PCDHGA2: variants seen among roughly 807,000 people sequenced by gnomAD.
PCDHGA2 encodes the protein protocadherin gamma-A2.
In PCDHGA2, 40 loss-of-function variants were observed where a neutral mutation model predicts 59.2. The ratio of observed to expected loss-of-function variants is 0.68; its 90% CI spans 0.52 to 0.88. The LOEUF is 0.88. Among genes scored for constraint, PCDHGA2 ranks in the 40% least tolerant of loss-of-function variants. The pLI is 0.00. For synonymous variants in PCDHGA2, 560 were observed against 526.0 expected, an observed-to-expected ratio of 1.06 and a Z score of -0.89; for missense variants, 1,226 against 1,204.0, an observed-to-expected ratio of 1.02 and a Z score of -0.27.
intron 1 of PCDHGA2, chr5:141,372,614 C>T: frequency 1.2e-6 from 2 of 1,613,984 alleles, no homozygotes; most frequent in East Asian, 4.5e-5. Context: ...CTGGAGTTCT[C>T]CCCACCTACA....
intron 1 of PCDHGA2, chr5:141,402,883 G>A (rs1418475947): frequency 6.7e-7 from 1 of 1,483,116 alleles, no homozygotes; most frequent in South Asian, 1.4e-5. Flanking sequence ...ACTTTGCAGG[G>A]TGGAAGAAAG....
chr5:141,347,439 G>A lies in PCDHGA2; in HGVS notation c.2424+6044G>A, dbSNP rs571857864. 4.2e-4 allele frequency among the ~76,000 whole-genome samples: 64 copies of A among 152,134 alleles called. No individual in the cohort carries two copies. In the South Asian group the frequency reaches 0.013, roughly 31 times the overall value. On this transcript the variant is annotated intron_variant, in intron 1 of 3. Coordinates refer to ENST00000394576, the MANE Select transcript of PCDHGA2 (RefSeq NM_018915.4). ...CAAAGTACTGCGATTAGAGGCATGAGCCACCATGCCTGGCCTGTTATTCTT... is the reference window on the plus strand; with the variant it reads ...CAAAGTACTGCGATTAGAGGCATGAACCACCATGCCTGGCCTGTTATTCTT...
At chr5:141,416,674 G>A (rs547618174) in intron 1 of PCDHGA2, 1 of 152,250 alleles carries the variant, frequency 6.6e-6, no homozygotes, top group South Asian at 2.1e-4. Flanking sequence ...TATATGCAAC[G>A]AAGGGAAATT....
At chr5:141,507,676 A>G (rs2099862523) in intron 3 of PCDHGA2, among the ~76,000 whole-genome samples, 1 of 152,252 alleles carries the variant, frequency 6.6e-6, no homozygotes, top group African/African-American at 2.4e-5. Flanking sequence ...TCCAGATGTT[A>G]AAAACAGAAA....
At position 141,384,817 on chromosome 5, in the gene PCDHGA2, C is replaced by A. The variant is rs373370095; in HGVS notation, c.2424+43422C>A. 2.5e-6 allele frequency: 4 copies of A among 1,613,416 alleles called. No homozygotes were observed. The South Asian group carries it at 4.4e-5, about 18-fold the overall frequency. On this transcript the variant is annotated intron_variant, in intron 1 of 3. Coordinates refer to ENST00000394576, the MANE Select transcript of PCDHGA2 (RefSeq NM_018915.4). ...CCTGCTGGACAGAGATGCCCTCAAG[C>A]AGAGCCTCGTGGTGGCCGTCCAGGA...
In PCDHGA2 at chr5:141,491,927, G is replaced by A. The variant is rs1314503730; in HGVS notation, c.2425-2880G>A. 3 of 1,309,982 alleles carry A rather than the reference G, an allele frequency of 2.3e-6. No individual in the cohort carries two copies. In the African/African-American group the frequency reaches 4.5e-5, roughly 20 times the overall value. 81.1% of individuals were successfully genotyped at this position (1,309,982 alleles called of 1,614,324 possible). A position where few individuals can be genotyped will look rare whatever the true frequency, so the allele number is the denominator to read the frequency against. On this transcript the variant is annotated intron_variant, in intron 1 of 3. Coordinates refer to ENST00000394576, the MANE Select transcript of PCDHGA2 (RefSeq NM_018915.4). The surrounding 1 kb of genome is among the most constrained non-coding windows in gnomAD (Gnocchi z 6.9). ...GTGGTGGCGACTGTGGGCGAGGGGAGGTGGGACCGACCCCCACCCCTACAC... is the reference window on the plus strand; with the variant it reads ...GTGGTGGCGACTGTGGGCGAGGGGAAGTGGGACCGACCCCCACCCCTACAC...
chr5:141,346,578 A>T, intron 1 of PCDHGA2: 2 of 1,394,128 alleles, frequency 1.4e-6, no homozygotes, highest in Non-Finnish European at 1.9e-6. Context: ...CTTTGACTAA[A>T]TATTTGTCCC....
chr5:141,481,691 C>T (rs929210528), intron 1 of PCDHGA2, among the ~76,000 whole-genome samples: 7 of 152,080 alleles, frequency 4.6e-5, no homozygotes, highest in African/African-American at 1.4e-4. Flanking sequence ...TGGTGGCTCA[C>T]GCCTGTAATC....
At chr5:141,345,811 C>G (rs1757645365) in intron 1 of PCDHGA2, 1 of 1,613,738 alleles carries the variant, frequency 6.2e-7, no homozygotes, top group Admixed American at 1.7e-5. Flanking sequence ...AAGGTGGTGG[C>G]GGTGGACAGA....
chr5:141,498,725 A>AGT (rs2099785409), intron 2 of PCDHGA2, among the ~76,000 whole-genome samples: 1 of 152,150 alleles, frequency 6.6e-6, no homozygotes, highest in Non-Finnish European at 1.5e-5. Flanking sequence ...TGAGGTCAGG[A>AGT]GTTTGAGACC....
chr5:141,382,342 T>A (rs1481008486), intron 1 of PCDHGA2, among the ~76,000 whole-genome samples: 1 of 152,250 alleles, frequency 6.6e-6, no homozygotes, highest in East Asian at 1.9e-4. Context: ...GTAAAATCTT[T>A]CATATGTATT....
intron 1 of PCDHGA2, chr5:141,478,229 T>C: frequency 6.2e-7 from 1 of 1,614,074 alleles, no homozygotes; most frequent in Non-Finnish European, 8.5e-7. Flanking sequence ...TTCTGTGGGG[T>C]TTGTGGTCAC....
At chr5:141,362,149 T>C (rs759063405) in intron 1 of PCDHGA2, 2 of 1,614,036 alleles carry the variant, frequency 1.2e-6, no homozygotes, top group East Asian at 2.2e-5. Context: ...GCAAGAGGTA[T>C]TGCCAGACCT....
chr5:141,421,078 C>T (rs11575964), intron 1 of PCDHGA2: 20,754 of 627,892 alleles, frequency 0.033, 387 homozygotes, highest in Middle Eastern at 0.088. Context: ...GAGATGGATA[C>T]TCACAGATCC....
intron 1 of PCDHGA2, chr5:141,376,074 T>C (rs1309324229): frequency 6.2e-6 from 10 of 1,613,500 alleles, no homozygotes; most frequent in South Asian, 1.1e-5. Flanking sequence ...ACCGTGGCCG[T>C]GGCCGACAGG....
At chr5:141,396,891 A>G (rs1216083648) in intron 1 of PCDHGA2, among the ~76,000 whole-genome samples, 1 of 152,228 alleles carries the variant, frequency 6.6e-6, no homozygotes, top group Non-Finnish European at 1.5e-5. Flanking sequence ...AGAGGACAAC[A>G]TATTATTGGC....
At chr5:141,464,415 C>A (rs1185416197) in intron 1 of PCDHGA2, among the ~76,000 whole-genome samples, 2 of 150,854 alleles carry the variant, frequency 1.3e-5, no homozygotes, top group Admixed American at 6.6e-5. Context: ...ATATATATAT[C>A]TATATATATA....
Position 141,432,741 on chromosome 5 carries a change from C to A in PCDHGA2, c.2425-62066C>A. 6.2e-7 allele frequency: 1 copy of A among 1,614,106 alleles called. No individual in the cohort carries two copies. The highest frequency in any genetic ancestry group is 8.5e-7 in the Non-Finnish European group (1 of 1,179,988). On this transcript the variant is annotated intron_variant, in intron 1 of 3. Transcript: ENST00000394576. The surrounding 1 kb of genome is among the most constrained non-coding windows in gnomAD (Gnocchi z 6.0). ...CCTCTCTCCGCCACTGTCACGCTCA[C>A]CGTGGCCGTGGCCGACAGCATCCCC...
At position 141,487,939 on chromosome 5, in the gene PCDHGA2, C is replaced by A; in HGVS notation, c.2425-6868C>A. ...AGGCTACAGTGCACAGGGTACAGTG[C>A]ACCAGGCAGTCACTTGGACAAAGGT... On this transcript the variant is annotated intron_variant, in intron 1 of 3. Coordinates refer to ENST00000394576, the MANE Select transcript of PCDHGA2 (RefSeq NM_018915.4). The surrounding 1 kb of genome is among the most constrained non-coding windows in gnomAD (Gnocchi z 5.0). The A allele has an allele frequency of 1.7e-6, 1 of 600,512 alleles. No individual in the cohort carries two copies. Among genetic ancestry groups the A allele is most frequent in the Non-Finnish European group, 2.9e-6 (1 of 343,042 alleles). The allele number at this position is 600,512 out of a possible 1,614,324, so 37.2% of individuals were successfully genotyped here.
Sources: gnomAD v4.1 joint callset for allele counts (sites outside exome capture counted in the v4.1 genomes callset) on GRCh38, gnomAD v4.1.1 for gene constraint, Gnocchi (gnomAD v3.1) non-coding constraint, MANE v1.5 for transcripts, NCBI Gene and HGNC (gene_info 2026-07-23, HGNC 2026-07-21) for gene names.